Variants in SEPTIN9 observed in about 807,000 individuals in gnomAD.
SEPTIN9 encodes the protein septin 9, also known as septin-9.
In SEPTIN9, 13 loss-of-function variants were observed where a neutral mutation model predicts 56.6. The ratio of observed to expected loss-of-function variants is 0.23; its 90% confidence interval spans 0.15 to 0.37. SEPTIN9 has a LOEUF of 0.37. Among genes scored for constraint, SEPTIN9 ranks in the 10% least tolerant of loss-of-function variants. The probability of loss-of-function intolerance (pLI) is 1.00; values close to 1 mark genes in which losing one functional copy is unlikely to be tolerated. For synonymous variants in SEPTIN9, 332 were observed against 334.1 expected, an observed-to-expected ratio of 0.99 and a Z score of 0.07; for missense variants, 650 against 823.1, an observed-to-expected ratio of 0.79 and a Z score of 2.57.
chr17:77,497,046 C>A, intron 10 of SEPTIN9: 1 of 550,222 alleles, frequency 1.8e-6, no homozygotes, highest in Non-Finnish European at 3.3e-6. Flanking sequence ...TGTGCCATCT[C>A]CCATTAGCCA....
At chr17:77,332,584 C>T (rs996543184) in intron 2 of SEPTIN9, among the ~76,000 whole-genome samples, 5 of 152,150 alleles carry the variant, frequency 3.3e-5, no homozygotes, top group African/African-American at 7.2e-5. Context: ...TGAAACGTTC[C>T]GTTCTTTGAA....
chr17:77,357,131 C>T (rs982039582), intron 2 of SEPTIN9, among the ~76,000 whole-genome samples: 1 of 152,082 alleles, frequency 6.6e-6, no homozygotes, highest in Non-Finnish European at 1.5e-5. Context: ...GCACAAAGGG[C>T]AGGATGGAGA....
Position 77,429,147 on chromosome 17 carries a change from G to T in SEPTIN9, c.721+26444G>T, listed in dbSNP as rs913308761. The T allele has an allele frequency of 4.2e-6, 2 of 471,856 alleles. No homozygotes were observed. Among genetic ancestry groups the T allele is most frequent in the Admixed American group, 4.7e-5 (2 of 42,606 alleles). 29.2% of individuals were successfully genotyped at this position (471,856 alleles called of 1,614,324 possible). A position where few individuals can be genotyped will look rare whatever the true frequency, so the allele number is the denominator to read the frequency against. ...CAAGCTCCTGGGGTGGGGACTTGGG[G>T]GTGTGTCTGCAGCTCCTGAGGCCAA... On this transcript the variant is annotated intron_variant, in intron 3 of 11. Coordinates refer to ENST00000427177, the MANE Select transcript of SEPTIN9 (RefSeq NM_001113491.2). This position sits in a 1 kb window ranked among gnomAD's most constrained non-coding sequence, Gnocchi z 5.2.
chr17:77,385,480 A>G (rs1001452261), intron 2 of SEPTIN9, among the ~76,000 whole-genome samples: 2 of 152,072 alleles, frequency 1.3e-5, no homozygotes, highest in African/African-American at 4.8e-5. Context: ...CGGCCTCCCA[A>G]GGTTCCAGGA....
chr17:77,372,713 G>A (rs935171879), intron 2 of SEPTIN9, among the ~76,000 whole-genome samples: 2 of 152,048 alleles, frequency 1.3e-5, no homozygotes, highest in Non-Finnish European at 2.9e-5. Context: ...TGCAGCGGTG[G>A]CCCCCGGGGC....
At chr17:77,338,290 C>A (rs2033618343) in intron 2 of SEPTIN9, among the ~76,000 whole-genome samples, 1 of 152,092 alleles carries the variant, frequency 6.6e-6, no homozygotes, top group South Asian at 2.1e-4. Flanking sequence ...TGCTAATAAT[C>A]ATCTGAGCCT....
intron 2 of SEPTIN9, among the ~76,000 whole-genome samples, chr17:77,359,026 C>T (rs1051978100): frequency 2.0e-5 from 3 of 152,158 alleles, no homozygotes; most frequent in Non-Finnish European, 4.4e-5. Context: ...CAGCTCCTGC[C>T]GTCATGTCTG....
Position 77,319,681 on chromosome 17 carries a change from G to T in SEPTIN9, c.76+12484G>T. On this transcript the variant is annotated intron_variant, in intron 2 of 11. Transcript: ENST00000427177. The surrounding 1 kb of genome is among the most constrained non-coding windows in gnomAD (Gnocchi z 5.3). Reference sequence around the variant, plus strand: ...TGAAGAAGGGCTGGGGCCAGCCCAGGACAGAGGAAGGCGAGGCAGGCACGC... The same window carrying T: ...TGAAGAAGGGCTGGGGCCAGCCCAGTACAGAGGAAGGCGAGGCAGGCACGC... The T allele has an allele frequency of 9.4e-7, 1 of 1,066,310 alleles. No individual in the cohort carries two copies. Among genetic ancestry groups the T allele is most frequent in the Non-Finnish European group, 1.1e-6 (1 of 879,810 alleles). 66.1% of individuals were successfully genotyped at this position (1,066,310 alleles called of 1,614,324 possible).
At chr17:77,428,666 A>G (rs750026611) in intron 3 of SEPTIN9, among the ~76,000 whole-genome samples, 2 of 152,170 alleles carry the variant, frequency 1.3e-5, no homozygotes, top group African/African-American at 2.4e-5. Context: ...TCACACAGCG[A>G]CAGCTCAGGC....
Position 77,434,700 on chromosome 17 carries a change from C to T in SEPTIN9, c.721+31997C>T, listed in dbSNP as rs1256849158. Among the ~76,000 whole-genome samples the T allele has an allele frequency of 6.6e-6, 1 of 152,202 alleles. No homozygotes were observed. Among genetic ancestry groups the T allele is most frequent in the Non-Finnish European group, 1.5e-5 (1 of 68,040 alleles). On this transcript the variant is annotated intron_variant, in intron 3 of 11. Coordinates refer to ENST00000427177, the MANE Select transcript of SEPTIN9 (RefSeq NM_001113491.2). This position sits in a 1 kb window ranked among gnomAD's most constrained non-coding sequence, Gnocchi z 5.0. ...GTGAGGGTTGGCATCTTCTCTTGCA[C>T]GTGAAGCAAAGGCCTGTTTGAAGGA...
At chr17:77,293,193 T>C (rs906202845) in intron 1 of SEPTIN9, among the ~76,000 whole-genome samples, 3 of 152,036 alleles carry the variant, frequency 2.0e-5, no homozygotes, top group Admixed American at 1.3e-4. Context: ...TTTTTTCTTT[T>C]ATTTTTGTAG....
At chr17:77,411,306 A>G (rs1192189831) in intron 3 of SEPTIN9, among the ~76,000 whole-genome samples, 4 of 152,224 alleles carry the variant, frequency 2.6e-5, no homozygotes, top group East Asian at 3.8e-4. Context: ...CAAGAACACA[A>G]AGGAAATCAG....
At position 77,487,409 on chromosome 17, in the gene SEPTIN9, C is replaced by A. The variant is rs924430326; in HGVS notation, c.914-15C>A. ...TCCGGAGAGACCCCTGACCGGCCTCCCATCCTCTCCCCAGGGCAGAGCGGC... is the reference window on the plus strand; with the variant it reads ...TCCGGAGAGACCCCTGACCGGCCTCACATCCTCTCCCCAGGGCAGAGCGGC... On this transcript the variant is annotated splice_polypyrimidine_tract_variant and intron_variant, in intron 4 of 11. Coordinates refer to ENST00000427177, the MANE Select transcript of SEPTIN9 (RefSeq NM_001113491.2). This position sits in a 1 kb window ranked among gnomAD's most constrained non-coding sequence, Gnocchi z 4.3. The A allele has an allele frequency of 6.3e-7, 1 of 1,591,602 alleles. No individual in the cohort carries two copies.
Position 77,433,327 on chromosome 17 carries a change from AC to A in SEPTIN9, c.721+30626del, listed in dbSNP as rs753509432. Among the ~76,000 whole-genome samples the A allele has an allele frequency of 1.9e-4, 29 of 151,496 alleles. No individual in the cohort carries two copies. The highest frequency in any genetic ancestry group is 3.5e-4 in the Non-Finnish European group (24 of 67,854). The stretch of plus-strand genomic sequence containing the variant: ...TTCACTGGCCATTGCCTGAGACCCG[AC>A]CTGGTGGCTCCTGCCCCAAGGAGCA... On this transcript the variant is annotated intron_variant, in intron 3 of 11. Transcript: ENST00000427177. The surrounding 1 kb of genome is among the most constrained non-coding windows in gnomAD (Gnocchi z 6.4).
At chr17:77,331,909 A>G (rs1167129907) in intron 2 of SEPTIN9, among the ~76,000 whole-genome samples, 1 of 152,032 alleles carries the variant, frequency 6.6e-6, no homozygotes, top group African/African-American at 2.4e-5. Context: ...TATTTTTCCT[A>G]TTTTTGGTTG....
Position 77,390,840 on chromosome 17 carries a change from G to A in SEPTIN9, c.77-11219G>A, listed in dbSNP as rs772046696. ...CTGGTGGGGCACAATTCTGGCCCCA[G>A]GTAGGGCGACCGTATAACTTACTGT... On this transcript the variant is annotated intron_variant, in intron 2 of 11. Transcript: ENST00000427177. Among the ~76,000 whole-genome samples the A allele has an allele frequency of 1.1e-3, 167 of 152,336 alleles. 1 individual carries two copies. The highest frequency in any genetic ancestry group is 2.1e-3 in the Non-Finnish European group (142 of 68,030).
intron 3 of SEPTIN9, among the ~76,000 whole-genome samples, chr17:77,470,367 TATCCATCCATCCACTC>T (rs1216084112): frequency 4.0e-4 from 48 of 119,510 alleles, no homozygotes; most frequent in Admixed American, 3.2e-3. Context: ...CCCATCCACT[TATCCATCCATCCACTC>T]ATCCGTCCAT....
At chr17:77,486,530 G>A (rs111978410) in intron 4 of SEPTIN9, among the ~76,000 whole-genome samples, 1 of 98,552 alleles carries the variant, frequency 1.0e-5, no homozygotes, top group Non-Finnish European at 1.9e-5. Flanking sequence ...GTGCGCGCAC[G>A]CGCGCGCGTG....
intron 1 of SEPTIN9, among the ~76,000 whole-genome samples, chr17:77,301,789 C>T (rs960049470): frequency 6.6e-6 from 1 of 152,192 alleles, no homozygotes; most frequent in African/African-American, 2.4e-5. Flanking sequence ...ATTGTCATAA[C>T]GCCTCATCCT....
Sources: allele counts gnomAD v4.1 joint callset (sites outside exome capture counted in the v4.1 genomes callset), GRCh38; gene constraint gnomAD v4.1.1; non-coding constraint Gnocchi (gnomAD v3.1); transcripts MANE v1.5; gene names NCBI Gene and HGNC (gene_info 2026-07-23, HGNC 2026-07-21).